Variants in USP21 observed in about 807,000 individuals in gnomAD.
USP21 encodes ubiquitin specific peptidase 21.
A neutral mutation model predicts 70.8 loss-of-function variants in USP21; 37 were observed. The ratio of observed to expected loss-of-function variants is 0.52; its 90% CI spans 0.40 to 0.69. The LOEUF is 0.69. Ranked by LOEUF, USP21 falls within the 30% of genes least tolerant of loss-of-function variation. The pLI, the probability that USP21 is intolerant of heterozygous loss-of-function variation, is 0.00. For synonymous variants in USP21, 263 were observed against 283.1 expected (o/e 0.93, Z 0.71); for missense variants, 584 against 740.8 (o/e 0.79, Z 2.46).
rs1053678748 is a variant in USP21, at chr1:161,161,733, C to T, written c.601-305C>T. On this transcript the variant is annotated intron_variant, in intron 3 of 13. Transcript: ENST00000368002. The surrounding 1 kb of genome is among the most constrained non-coding windows in gnomAD (Gnocchi z 4.2). ...GCAGAAAGGTGGGAGTGGTGAGCAGCTGGGCAACCATGCCGGTGCTGGGGG... is the reference window on the plus strand; with the variant it reads ...GCAGAAAGGTGGGAGTGGTGAGCAGTTGGGCAACCATGCCGGTGCTGGGGG... 1.8e-5 allele frequency: 9 copies of T among 489,658 alleles called. No individual in the cohort carries two copies. The highest frequency in any genetic ancestry group is 3.3e-5 in the Non-Finnish European group (9 of 271,046). 30.3% of individuals were successfully genotyped at this position (489,658 alleles called of 1,614,324 possible).
In USP21 at chr1:161,164,173, G is replaced by T; in HGVS notation, c.1228G>T (p.Ala410Ser). 1 of 1,614,158 alleles carries T rather than the reference G, an allele frequency of 6.2e-7. No homozygotes were observed. Among genetic ancestry groups the T allele is most frequent in the South Asian group, 1.1e-5 (1 of 91,086 alleles). The change falls in exon 10 of 14, where the codon GCT becomes TCT. Residue 410 changes from alanine to serine, a missense_variant. Coordinates refer to ENST00000368002, the MANE Select transcript of USP21 (RefSeq NM_001014443.3). The surrounding 1 kb of genome is among the most constrained non-coding windows in gnomAD (Gnocchi z 4.2). The part of the protein sequence containing the change: ...LSLPIPKKGF[A>S]GGKVSLRDCF... ...TCCCCTTTTCCCCCAGAAAGGATTT[G>T]CTGGGGGCAAGGTGTCTCTGCGGGA...
chr1:161,162,215 G>T lies in USP21; in HGVS notation c.661-55G>T, dbSNP rs1657980172. ...AAGGAGAGCTCTGAAGCTCTTCTAA[G>T]GCTTCCTGGGCAGTGGTCTGGAGAG... On this transcript the variant is annotated intron_variant, in intron 4 of 13. Transcript: ENST00000368002. The surrounding 1 kb of genome is among the most constrained non-coding windows in gnomAD (Gnocchi z 4.1). 6.2e-7 allele frequency: 1 copy of T among 1,611,696 alleles called. No homozygotes were observed. Among genetic ancestry groups the T allele is most frequent in the South Asian group, 1.1e-5 (1 of 90,848 alleles).
Position 161,160,729 on chromosome 1 carries a change from C to T in USP21, c.89C>T (p.Ala30Val), listed in dbSNP as rs748000177. Residue 30 changes from alanine (A) to valine (V), a missense_variant, in exon 3 of 14, where the codon GCC (alanine) becomes GTC (valine). Coordinates refer to ENST00000368002, the MANE Select transcript of USP21 (RefSeq NM_001014443.3). ...QPRVGSKLPF[A>V]PRARSKERRN... ...CGAGTGGGATCCAAGCTACCATTTGCCCCCAGGGCCCGCAGCAAGGAGCGC... is the reference window on the plus strand; with the variant it reads ...CGAGTGGGATCCAAGCTACCATTTGTCCCCAGGGCCCGCAGCAAGGAGCGC... The T allele has an allele frequency of 1.9e-6, 3 of 1,614,162 alleles. No homozygotes were observed. Among genetic ancestry groups the T allele is most frequent in the East Asian group, 2.2e-5 (1 of 44,882 alleles).
rs1658654920 is a variant in USP21 at position 161,165,645 on chromosome 1, C to T, written c.*198C>T. 1 of 554,638 alleles carries T rather than the reference C, an allele frequency of 1.8e-6. No individual in the cohort carries two copies. Among genetic ancestry groups the T allele is most frequent in the Non-Finnish European group, 3.2e-6 (1 of 309,938 alleles). 34.4% of individuals were successfully genotyped at this position (554,638 alleles called of 1,614,324 possible). On this transcript the variant is annotated 3_prime_UTR_variant, in exon 14 of 14. Coordinates refer to ENST00000368002, the MANE Select transcript of USP21 (RefSeq NM_001014443.3). Reference sequence around the variant, plus strand: ...TTGTCTCCCAGCCCCATGTACAAAGCTCACCAAGCCCCTGCCCATGTACAG... The same window carrying T: ...TTGTCTCCCAGCCCCATGTACAAAGTTCACCAAGCCCCTGCCCATGTACAG...
Position 161,163,040 on chromosome 1 carries a change from C to T in USP21, c.1015C>T (p.Arg339Ter), listed in dbSNP as rs976062697. The T allele has an allele frequency of 1.2e-6, 2 of 1,611,524 alleles. No homozygotes were observed. The highest frequency in any genetic ancestry group is 1.7e-6 in the Non-Finnish European group (2 of 1,179,186). The change falls in exon 7 of 14, where the codon CGA becomes TGA. Residue 339 changes from arginine to a stop codon, truncating the protein, a stop_gained. Coordinates refer to ENST00000368002, the MANE Select transcript of USP21 (RefSeq NM_001014443.3). LOFTEE classifies it high-confidence loss of function. Reference sequence around the variant, plus strand: ...TGGTCCAGTTCCCTCTCCACCCCGCCGAGGAGGGGCTCTGCTAGAAGAACC... The same window carrying T: ...TGGTCCAGTTCCCTCTCCACCCCGCTGAGGAGGGGCTCTGCTAGAAGAACC... The part of the protein sequence containing the change: ...ANGPVPSPPR[R>*]GGALLEEPEL...
In USP21 at chr1:161,164,064, C is replaced by T; in HGVS notation, c.1218+83C>T. The stretch of plus-strand genomic sequence containing the variant: ...CCCACCCCCAGAGTGTGGGCGGGAA[C>T]CCTGTGGGTTTCTGGAGCAGAACTG... On this transcript the variant is annotated intron_variant, in intron 9 of 13. Coordinates refer to ENST00000368002, the MANE Select transcript of USP21 (RefSeq NM_001014443.3). This position sits in a 1 kb window ranked among gnomAD's most constrained non-coding sequence, Gnocchi z 4.2. 3.8e-6 allele frequency: 6 copies of T among 1,582,038 alleles called. No homozygotes were observed. Among genetic ancestry groups the T allele is most frequent in the Non-Finnish European group, 4.3e-6 (5 of 1,151,492 alleles).
chr1:161,160,601 C>T lies in USP21; in HGVS notation c.-21-19C>T. On this transcript the variant is annotated intron_variant, in intron 2 of 13. Transcript: ENST00000368002. ...ATTTCCCCCCATATTCAAATGCTGA[C>T]ACTCTCTTCTCCTCCCAGGTCCAGC... The T allele has an allele frequency of 6.3e-7, 1 of 1,587,770 alleles. No homozygotes were observed. Among genetic ancestry groups the T allele is most frequent in the Non-Finnish European group, 8.6e-7 (1 of 1,162,664 alleles).
chr1:161,161,088 A>G lies in USP21; in HGVS notation c.448A>G (p.Thr150Ala). Reference sequence around the variant, plus strand: ...CTTGGCCCTCCGGCCTGAGCCACCCACTTTGAGACGTAGCACTTCTCTCCG... The same window carrying G: ...CTTGGCCCTCCGGCCTGAGCCACCCGCTTTGAGACGTAGCACTTCTCTCCG... ...SRLALRPEPPTLRRSTSLRRL... is the reference protein window; with the variant it reads ...SRLALRPEPPALRRSTSLRRL... Residue 150 changes from threonine (T) to alanine (A), a missense_variant, in exon 3 of 14, where the codon ACT becomes GCT. Thr to Ala is a moderately conservative substitution (Grantham distance 58). Coordinates refer to ENST00000368002, the MANE Select transcript of USP21 (RefSeq NM_001014443.3). The surrounding 1 kb of genome is among the most constrained non-coding windows in gnomAD (Gnocchi z 4.2). 6.2e-7 allele frequency: 1 copy of G among 1,614,164 alleles called. No homozygotes were observed. Among genetic ancestry groups the G allele is most frequent in the Non-Finnish European group, 8.5e-7 (1 of 1,180,002 alleles).
chr1:161,163,753 G>A, intron 8 of USP21, 125 bp from the exon 9 acceptor site: 1 of 1,327,490 alleles, frequency 7.5e-7, no homozygotes, highest in Non-Finnish European at 1.1e-6. Context: ...GTGAAGAGTT[G>A]ATTAGGAGTG....
In USP21 at chr1:161,161,518, T is replaced by G; in HGVS notation, c.600+278T>G. On this transcript the variant is annotated intron_variant, in intron 3 of 13. Coordinates refer to ENST00000368002, the MANE Select transcript of USP21 (RefSeq NM_001014443.3). The surrounding 1 kb of genome is among the most constrained non-coding windows in gnomAD (Gnocchi z 4.2). ...TGGGTCCCCAGGCCCTTCCTTTCCCTTGCTTGCACCTTCTCTACTGGGACT... is the reference window on the plus strand; with the variant it reads ...TGGGTCCCCAGGCCCTTCCTTTCCCGTGCTTGCACCTTCTCTACTGGGACT... 2.2e-6 allele frequency: 1 copy of G among 452,698 alleles called. No homozygotes were observed. Among genetic ancestry groups the G allele is most frequent in the Non-Finnish European group, 3.9e-6 (1 of 253,544 alleles). 28.0% of individuals were successfully genotyped at this position (452,698 alleles called of 1,614,324 possible).
chr1:161,164,703 G>A lies in USP21; in HGVS notation c.1384+91G>A. 6.2e-7 allele frequency: 1 copy of A among 1,604,186 alleles called. No individual in the cohort carries two copies. Among genetic ancestry groups the A allele is most frequent in the South Asian group, 1.1e-5 (1 of 90,258 alleles). On this transcript the variant is annotated intron_variant, in intron 11 of 13. Transcript: ENST00000368002. This position sits in a 1 kb window ranked among gnomAD's most constrained non-coding sequence, Gnocchi z 4.2. ...TTCCAGAGAATTGAATTTTCCTTAG[G>A]AAAAGTCTGCCACCCACTTTTCCAC...
rs1176396218 is a variant in USP21 at position 161,163,991 on chromosome 1, C to T, written c.1218+10C>T. 1 of 1,613,478 alleles carries T rather than the reference C, an allele frequency of 6.2e-7. No individual in the cohort carries two copies. Among genetic ancestry groups the T allele is most frequent in the Non-Finnish European group, 8.5e-7 (1 of 1,179,452 alleles). ...CCTGCCCATCCCCAAGGTGGGATTC[C>T]AGAGGATTCCGGGGTGGACAGGACA... is the stretch of plus-strand genomic sequence containing the variant. On this transcript the variant is annotated intron_variant, in intron 9 of 13. Transcript: ENST00000368002.
intron 7 of USP21, 115 bp downstream of exon 7, chr1:161,163,189 A>G: frequency 1.6e-6 from 2 of 1,289,278 alleles, no homozygotes; most frequent in Non-Finnish European, 2.1e-6. Flanking sequence ...CCTTTAGTAT[A>G]GAAAATAGTA....
chr1:161,164,669 C>T lies in USP21; in HGVS notation c.1384+57C>T. 6.2e-7 allele frequency: 1 copy of T among 1,610,170 alleles called. No homozygotes were observed. The highest frequency in any genetic ancestry group is 1.7e-5 in the Admixed American group (1 of 59,658). ...AGGATACCTCCCATACATTCTCTTT[C>T]CTCCATGTTTCCAGAGAATTGAATT... is the stretch of plus-strand genomic sequence containing the variant. On this transcript the variant is annotated intron_variant, in intron 11 of 13. Coordinates refer to ENST00000368002, the MANE Select transcript of USP21 (RefSeq NM_001014443.3). The surrounding 1 kb of genome is among the most constrained non-coding windows in gnomAD (Gnocchi z 4.2).
Position 161,160,769 on chromosome 1 carries a change from T to C in USP21, c.129T>C (p.Ser43=). The part of the protein sequence containing the change: ...ARSKERRNPA[S]GPNPMLRPLP... ...GCAAGGAGCGCAGAAACCCAGCCTC[T>C]GGGCCAAACCCCATGTTACGACCTC... The change falls in exon 3 of 14, where the codon TCT becomes TCC. Residue 43 remains serine (S), a synonymous_variant. Transcript: ENST00000368002. 1.2e-6 allele frequency: 2 copies of C among 1,614,208 alleles called. No homozygotes were observed. Among genetic ancestry groups the C allele is most frequent in the South Asian group, 1.1e-5 (1 of 91,090 alleles).
At position 161,164,824 on chromosome 1, in the gene USP21, C is replaced by T; in HGVS notation, c.1385-11C>T. The T allele has an allele frequency of 1.9e-6, 3 of 1,611,972 alleles. No homozygotes were observed. The highest frequency in any genetic ancestry group is 2.5e-6 in the Non-Finnish European group (3 of 1,178,934). ...CCACTGCCTCCCAAATGCTCCTTAA[C>T]CAGGGCTTAGATCTGAATCGATTTT... is the stretch of plus-strand genomic sequence containing the variant. On this transcript the variant is annotated splice_polypyrimidine_tract_variant and intron_variant, in intron 11 of 13. Coordinates refer to ENST00000368002, the MANE Select transcript of USP21 (RefSeq NM_001014443.3). The surrounding 1 kb of genome is among the most constrained non-coding windows in gnomAD (Gnocchi z 4.2).
Position 161,161,142 on chromosome 1 carries a change from A to G in USP21, c.502A>G (p.Thr168Ala). The G allele has an allele frequency of 6.2e-7, 1 of 1,613,956 alleles. No individual in the cohort carries two copies. The highest frequency in any genetic ancestry group is 1.3e-5 in the African/African-American group (1 of 75,008). The change falls in exon 3 of 14, where the codon ACC becomes GCC. Residue 168 changes from threonine to alanine, a missense_variant. Transcript: ENST00000368002. The surrounding 1 kb of genome is among the most constrained non-coding windows in gnomAD (Gnocchi z 4.2). ...CCTAGGGGGCTTTCCTGGACCCCCT[A>G]CCCTGTTCAGCATACGGACAGAGCC... ...RRLGGFPGPPTLFSIRTEPPA... is the reference protein window; with the variant it reads ...RRLGGFPGPPALFSIRTEPPA...
At position 161,162,540 on chromosome 1, in the gene USP21, A is replaced by G; in HGVS notation, c.782-75A>G. 5 of 1,526,362 alleles carry G rather than the reference A, an allele frequency of 3.3e-6. No homozygotes were observed. The highest frequency in any genetic ancestry group is 4.5e-6 in the Non-Finnish European group (5 of 1,103,564). The allele number at this position is 1,526,362 out of a possible 1,614,324, so 94.6% of individuals were successfully genotyped here. On this transcript the variant is annotated intron_variant, in intron 5 of 13. Coordinates refer to ENST00000368002, the MANE Select transcript of USP21 (RefSeq NM_001014443.3). This position sits in a 1 kb window ranked among gnomAD's most constrained non-coding sequence, Gnocchi z 4.1. Reference sequence around the variant, plus strand: ...CCTACTTTCCTAAAGGTTATTTTCTACCCTCTGAGCCACCTTTTGCTTGCC... The same window carrying G: ...CCTACTTTCCTAAAGGTTATTTTCTGCCCTCTGAGCCACCTTTTGCTTGCC...
At position 161,162,145 on chromosome 1, in the gene USP21, G is replaced by A; in HGVS notation, c.660+48G>A. On this transcript the variant is annotated intron_variant, in intron 4 of 13. Coordinates refer to ENST00000368002, the MANE Select transcript of USP21 (RefSeq NM_001014443.3). This position sits in a 1 kb window ranked among gnomAD's most constrained non-coding sequence, Gnocchi z 4.1. ...TCCTCTCTAAAAGGAATGTGAAATG[G>A]TGCTGGGGGTGGGGAAAACCCACGA... 1 of 1,613,404 alleles carries A rather than the reference G, an allele frequency of 6.2e-7. No homozygotes were observed. Among genetic ancestry groups the A allele is most frequent in the South Asian group, 1.1e-5 (1 of 91,060 alleles).
Sources: gnomAD v4.1 joint callset for allele counts on GRCh38, gnomAD v4.1.1 for gene constraint, Gnocchi (gnomAD v3.1) non-coding constraint, MANE v1.5 for transcripts, NCBI Gene and HGNC (gene_info 2026-07-23, HGNC 2026-07-21) for gene names.